Variants in PPP2R1B observed in about 807,000 individuals in gnomAD.
The protein encoded by PPP2R1B is protein phosphatase 2 scaffold subunit Abeta, also known as serine/threonine-protein phosphatase 2A 65 kDa regulatory subunit A beta isoform.
PPP2R1B carries 58 observed loss-of-function variants against 72.7 expected under a neutral mutation model. The ratio of observed to expected loss-of-function variants is 0.80; its 90% CI spans 0.65 to 0.99. The LOEUF (loss-of-function observed/expected upper bound fraction) is 0.99. Among genes scored for constraint, PPP2R1B ranks in the 50% least tolerant of loss-of-function variants. PPP2R1B has a pLI of 0.00. For missense variants in PPP2R1B, 695 were observed against 733.6 expected, an observed-to-expected ratio of 0.95 and a Z score of 0.61; for synonymous variants, 256 against 264.6, an observed-to-expected ratio of 0.97 and a Z score of 0.32.
downstream of PPP2R1B, chr11:111,723,648 C>T (rs201581603): frequency 5.1e-5 from 83 of 1,614,168 alleles, no homozygotes; most frequent in African/African-American, 2.7e-4. Flanking sequence ...CAGGCCCCAC[C>T]GTTCAGCCTG....
At chr11:111,723,586 G>A (rs369337511), downstream of PPP2R1B, 13 of 1,614,052 alleles carry the variant, frequency 8.1e-6, no homozygotes, top group African/African-American at 2.7e-5. Context: ...CCTACCCACA[G>A]CCAAGTCAGC....
the PPP2R1B span, chr11:111,701,345 A>C: frequency 7.2e-7 from 1 of 1,383,124 alleles, no homozygotes; most frequent in Non-Finnish European, 9.7e-7. The surrounding 1 kb of genome is among the most constrained non-coding windows in gnomAD (Gnocchi z 4.2). Flanking sequence ...AAATCCAGAC[A>C]GGAATTTTTC....
chr11:111,744,226 C>G (rs1944624894), intron 11 of PPP2R1B, among the ~76,000 whole-genome samples: 1 of 152,088 alleles, frequency 6.6e-6, no homozygotes, highest in Non-Finnish European at 1.5e-5. Flanking sequence ...ACCTGATGAC[C>G]AATGTGGAAT....
intron 5 of PPP2R1B, among the ~76,000 whole-genome samples, chr11:111,757,528 C>T (rs1003536973): frequency 3.3e-5 from 5 of 152,104 alleles, no homozygotes; most frequent in Non-Finnish European, 1.5e-5. Flanking sequence ...TAAGCTAATA[C>T]ATATTTGTTA....
chr11:111,699,775 GCTGA>G, the PPP2R1B span, among the ~76,000 whole-genome samples: 11 of 152,222 alleles, frequency 7.2e-5, no homozygotes, highest in Non-Finnish European at 1.3e-4. Flanking sequence ...ACAGCAACCT[GCTGA>G]CTAAGTGTAT....
At chr11:111,724,251 A>T (rs979552784), downstream of PPP2R1B, 11 of 1,360,536 alleles carry the variant, frequency 8.1e-6, no homozygotes, top group Non-Finnish European at 1.1e-5. Flanking sequence ...AAATCGAGCC[A>T]CCCAACTGGA....
At chr11:111,717,228 A>G in the PPP2R1B span, among the ~76,000 whole-genome samples, 1 of 137,086 alleles carries the variant, frequency 7.3e-6, no homozygotes, top group Admixed American at 8.4e-5. Context: ...AGGCAGGAGA[A>G]TGGCGTGAAC....
chr11:111,743,717 A>G (rs530005647), intron 11 of PPP2R1B, among the ~76,000 whole-genome samples, 187 bp from the exon 12 acceptor site: 1 of 152,236 alleles, frequency 6.6e-6, no homozygotes, highest in Non-Finnish European at 1.5e-5. Context: ...GCATATCCAC[A>G]GAAAAGGGAT....
chr11:111,737,754 G>T, downstream of PPP2R1B: 1 of 1,328,112 alleles, frequency 7.5e-7, no homozygotes, highest in Non-Finnish European at 9.9e-7. Flanking sequence ...GTGCTGAGGT[G>T]CCTTTCCCTC....
chr11:111,765,233 G>A (rs1945478744), intron 2 of PPP2R1B, 61 bp downstream of exon 2: 2 of 1,463,616 alleles, frequency 1.4e-6, no homozygotes, highest in Non-Finnish European at 1.9e-6. Flanking sequence ...AAAAAAGTCA[G>A]TGTTGAAAGC....
Position 111,760,943 on chromosome 11 carries a change from A to G in PPP2R1B, c.415T>C (p.Tyr139His), listed in dbSNP as rs200444023. 6.2e-7 allele frequency: 1 copy of G among 1,614,236 alleles called. No individual in the cohort carries two copies. Among genetic ancestry groups the G allele is most frequent in the East Asian group, 2.2e-5 (1 of 44,894 alleles). ...AAGCGTTTCACCAGAGGTACAAAAT[A>G]AGCTTCCAGAGCAACAGGAGTATGC... ...QEHTPVALEA[Y>H]FVPLVKRLAS... Residue 139 changes from tyrosine (Y) to histidine (H), a missense_variant, in exon 4 of 15, where the codon TAT becomes CAT. Tyr to His is a moderately conservative substitution (Grantham distance 83). Transcript: ENST00000527614.
At chr11:111,737,551 C>G, downstream of PPP2R1B, 1 of 1,614,248 alleles carries the variant, frequency 6.2e-7, no homozygotes, top group Non-Finnish European at 8.5e-7. Flanking sequence ...TTCTAGCTTC[C>G]TCAGCCTTTG....
At chr11:111,720,660 C>A in the PPP2R1B span, 20 of 1,614,100 alleles carry the variant, frequency 1.2e-5, no homozygotes, top group African/African-American at 2.7e-5. Flanking sequence ...ACCTACCAAC[C>A]CAGCCATGCA....
intron 5 of PPP2R1B, among the ~76,000 whole-genome samples, chr11:111,757,770 G>A (rs1383469025): frequency 2.0e-5 from 3 of 151,438 alleles, no homozygotes; most frequent in African/African-American, 7.3e-5. Flanking sequence ...GGGAGGCAGG[G>A]GTTGCAGTGA....
chr11:111,761,209 C>T (rs2136108914), intron 3 of PPP2R1B, 158 bp from the exon 4 acceptor site: 1 of 754,982 alleles, frequency 1.3e-6, no homozygotes, highest in Non-Finnish European at 2.3e-6. Context: ...ACAGTGATAA[C>T]ATATGGTGCG....
the PPP2R1B span, among the ~76,000 whole-genome samples, chr11:111,709,926 G>A: frequency 2.6e-5 from 4 of 152,212 alleles, no homozygotes; most frequent in African/African-American, 7.2e-5. Context: ...TAAAGCGTCC[G>A]AGCTAGTGAG....
At chr11:111,724,827 A>AAT (rs1943918836), downstream of PPP2R1B, 1 of 152,404 alleles carries the variant, frequency 6.6e-6, no homozygotes, top group African/African-American at 2.4e-5. Flanking sequence ...CGAGTGTCAG[A>AAT]ATATACTCAG....
At chr11:111,723,989 G>A, downstream of PPP2R1B, 1 of 1,614,172 alleles carries the variant, frequency 6.2e-7, no homozygotes, top group Non-Finnish European at 8.5e-7. Context: ...AACGGGGCCA[G>A]ACTGTCCCAG....
the PPP2R1B span, among the ~76,000 whole-genome samples, chr11:111,709,521 C>T: frequency 6.6e-6 from 1 of 152,226 alleles, no homozygotes; most frequent in Non-Finnish European, 1.5e-5. Context: ...AAGCACTAAA[C>T]ATGTGGTCTA....
Sources: allele counts gnomAD v4.1 joint callset (sites outside exome capture counted in the v4.1 genomes callset), GRCh38; gene constraint gnomAD v4.1.1; non-coding constraint Gnocchi (gnomAD v3.1); transcripts MANE v1.5; gene names NCBI Gene and HGNC (gene_info 2026-07-23, HGNC 2026-07-21).